The following LRRC37A2 variants were observed in gnomAD, a reference collection of about 807,000 sequenced individuals.
The protein encoded by LRRC37A2 is leucine rich repeat containing 37 member A2.
In LRRC37A2, 9 loss-of-function variants were observed where a neutral mutation model predicts 68.8. The ratio of observed to expected loss-of-function variants is 0.13; its 90% confidence interval spans 0.08 to 0.23. The LOEUF (loss-of-function observed/expected upper bound fraction) is 0.23. LRRC37A2 is among the 10% of genes least tolerant of loss of function. The pLI is 1.00. For synonymous variants in LRRC37A2, 63 were observed against 367.6 expected, an observed-to-expected ratio of 0.17 and a Z score of 9.48; for missense variants, 168 against 950.4, an observed-to-expected ratio of 0.18 and a Z score of 10.82.
At chr17:47,015,543 C>T in the LRRC37A2 span, among the ~76,000 whole-genome samples, 2 of 152,056 alleles carry the variant, frequency 1.3e-5, no homozygotes, top group African/African-American at 4.8e-5. Context: ...CCTAGTGACG[C>T]ATTTCTCAAG....
the LRRC37A2 span, among the ~76,000 whole-genome samples, chr17:46,379,873 T>TG: frequency 7.1e-5 from 3 of 42,122 alleles, 1 homozygote; most frequent in Non-Finnish European, 1.8e-4. Context: ...ACTGTTTTTT[T>TG]TTTTTTTTTT....
chr17:46,822,434 T>C, the LRRC37A2 span, among the ~76,000 whole-genome samples: 5 of 152,350 alleles, frequency 3.3e-5, 1 homozygote, highest in South Asian at 8.3e-4. Context: ...AAGCACCAGA[T>C]GTTAATCTAA....
chr17:46,732,770 T>G, the LRRC37A2 span, among the ~76,000 whole-genome samples: 10 of 152,182 alleles, frequency 6.6e-5, no homozygotes, highest in Non-Finnish European at 1.3e-4. Flanking sequence ...CAATCAAGTT[T>G]CCCTGTGTTC....
chr17:46,940,939 AAC>A, the LRRC37A2 span: 1 of 1,276,780 alleles, frequency 7.8e-7, no homozygotes, highest in Non-Finnish European at 1.0e-6. Context: ...ACCTTGGCCT[AAC>A]AGTGTGACTC....
At chr17:46,769,227 A>T in the LRRC37A2 span, among the ~76,000 whole-genome samples, 3 of 151,342 alleles carry the variant, frequency 2.0e-5, no homozygotes, top group Non-Finnish European at 4.4e-5. Flanking sequence ...GAGGCCGGAG[A>T]ATTGCTTGAA....
At chr17:46,676,349 C>T in the LRRC37A2 span, among the ~76,000 whole-genome samples, 3 of 136,586 alleles carry the variant, frequency 2.2e-5, no homozygotes, top group Non-Finnish European at 4.6e-5. Context: ...TCTCCTGCCT[C>T]AGCCTCCCCA....
chr17:46,741,559 C>T, the LRRC37A2 span, among the ~76,000 whole-genome samples: 2 of 151,774 alleles, frequency 1.3e-5, no homozygotes, highest in African/African-American at 2.4e-5. Context: ...AACATCCTTC[C>T]TTTGGTATTC....
At chr17:46,960,974 A>C in the LRRC37A2 span, among the ~76,000 whole-genome samples, 1 of 152,198 alleles carries the variant, frequency 6.6e-6, no homozygotes, top group Non-Finnish European at 1.5e-5. Flanking sequence ...AGTAAATTTT[A>C]CCCTAAATTT....
At chr17:46,924,151 C>T in the LRRC37A2 span, 2 of 310,236 alleles carry the variant, frequency 6.4e-6, no homozygotes, top group African/African-American at 2.1e-5. Context: ...CACCTAGTAA[C>T]CTCTGTTTTA....
the LRRC37A2 span, among the ~76,000 whole-genome samples, chr17:46,903,245 C>T: frequency 6.6e-6 from 1 of 151,314 alleles, no homozygotes; most frequent in Non-Finnish European, 1.5e-5. Context: ...TGCACTATTG[C>T]ACTCCAGCGT....
chr17:47,010,155 G>A, the LRRC37A2 span, among the ~76,000 whole-genome samples: 1 of 152,208 alleles, frequency 6.6e-6, no homozygotes, highest in African/African-American at 2.4e-5. Flanking sequence ...GTGGACCGTG[G>A]GATTGGAATC....
chr17:46,907,688 AC>A, the LRRC37A2 span, among the ~76,000 whole-genome samples: 3,260 of 127,528 alleles, frequency 0.026, 329 homozygotes, highest in African/African-American at 0.096. Context: ...AAAAAAAAAA[AC>A]AAAAAACCCA....
At chr17:46,930,251 TTGTTCAC>T in the LRRC37A2 span, 1 of 152,386 alleles carries the variant, frequency 6.6e-6, no homozygotes, top group African/African-American at 2.4e-5. Context: ...TCAACTGTCT[TTGTTCAC>T]TGTGGGCACA....
the LRRC37A2 span, among the ~76,000 whole-genome samples, chr17:46,993,166 G>A: frequency 6.6e-6 from 1 of 151,622 alleles, no homozygotes; most frequent in Non-Finnish European, 1.5e-5. Flanking sequence ...GTTGTCAATA[G>A]CTTAAAAAGC....
the LRRC37A2 span, among the ~76,000 whole-genome samples, chr17:46,957,733 C>A: frequency 3.9e-5 from 6 of 152,198 alleles, no homozygotes; most frequent in Non-Finnish European, 8.8e-5. Flanking sequence ...GAATTGATGG[C>A]AGCCCCAGGA....
At chr17:46,493,756 CTTGA>C in the LRRC37A2 span, among the ~76,000 whole-genome samples, 1 of 149,554 alleles carries the variant, frequency 6.7e-6, no homozygotes, top group Non-Finnish European at 1.5e-5. Flanking sequence ...CCAGGATGGT[CTTGA>C]TCTCCTGACC....
the LRRC37A2 span, among the ~76,000 whole-genome samples, chr17:47,015,252 C>T: frequency 6.6e-6 from 1 of 152,162 alleles, no homozygotes; most frequent in Non-Finnish European, 1.5e-5. Flanking sequence ...AAGTGATCCA[C>T]CCACCTTGGC....
At chr17:46,927,632 C>G in the LRRC37A2 span, among the ~76,000 whole-genome samples, 1 of 152,132 alleles carries the variant, frequency 6.6e-6, no homozygotes, top group Non-Finnish European at 1.5e-5. Flanking sequence ...TTATTGTAGT[C>G]CCTTCTTTCA....
At chr17:47,008,347 G>A in the LRRC37A2 span, among the ~76,000 whole-genome samples, 11 of 152,008 alleles carry the variant, frequency 7.2e-5, no homozygotes, top group Non-Finnish European at 1.2e-4. Flanking sequence ...TCCTAACCTC[G>A]TGATCCGCCC....
Sources: allele counts gnomAD v4.1 joint callset (sites outside exome capture counted in the v4.1 genomes callset), GRCh38; gene constraint gnomAD v4.1.1; transcripts MANE v1.5; gene names NCBI Gene and HGNC (gene_info 2026-07-23, HGNC 2026-07-21).